The following MDGA2 variants were observed in gnomAD, a reference collection of about 807,000 sequenced individuals.
The protein encoded by MDGA2 is MAM domain-containing glycosylphosphatidylinositol anchor protein 2.
In MDGA2, 40 loss-of-function variants were observed where a neutral mutation model predicts 117.8. That is an observed-to-expected ratio of 0.34 (90% CI 0.26 to 0.44). MDGA2 has a LOEUF of 0.44. Among genes scored for constraint, MDGA2 ranks in the 20% least tolerant of loss-of-function variants. MDGA2 has a pLI of 1.00. For synonymous variants in MDGA2, 452 were observed against 439.0 expected, an observed-to-expected ratio of 1.03 and a Z score of -0.37; for missense variants, 1,123 against 1,250.6, an observed-to-expected ratio of 0.90 and a Z score of 1.54.
At chr14:47,013,774 A>ATG (rs1887981765) in intron 8 of MDGA2, among the ~76,000 whole-genome samples, 6 of 121,064 alleles carry the variant, frequency 5.0e-5, no homozygotes, top group Non-Finnish European at 9.2e-5. Flanking sequence ...ATTTCCTTGT[A>ATG]TATATATATA....
At chr14:47,234,115 A>G (rs1308612727) in intron 2 of MDGA2, among the ~76,000 whole-genome samples, 4 of 152,044 alleles carry the variant, frequency 2.6e-5, no homozygotes, top group Non-Finnish European at 4.4e-5. Context: ...AAGACCGACA[A>G]TCACATAGCA....
chr14:47,629,357 A>C (rs1303622514), intron 1 of MDGA2, among the ~76,000 whole-genome samples: 1 of 152,210 alleles, frequency 6.6e-6, no homozygotes, highest in African/African-American at 2.4e-5. Flanking sequence ...GTTTTTAAAA[A>C]TTTATTAACT....
chr14:47,612,127 A>G (rs1186899854), intron 1 of MDGA2, among the ~76,000 whole-genome samples: 1 of 152,108 alleles, frequency 6.6e-6, no homozygotes, highest in African/African-American at 2.4e-5. Context: ...AAGAAATATG[A>G]TTTCCCTATT....
chr14:47,362,057 C>T (rs1404312355), intron 1 of MDGA2, among the ~76,000 whole-genome samples: 1 of 152,054 alleles, frequency 6.6e-6, no homozygotes, highest in Non-Finnish European at 1.5e-5. Flanking sequence ...CATCTATTTG[C>T]ATATATATCA....
intron 9 of MDGA2, among the ~76,000 whole-genome samples, chr14:46,920,580 A>G (rs974839127): frequency 4.6e-5 from 7 of 152,330 alleles, no homozygotes; most frequent in African/African-American, 1.7e-4. Flanking sequence ...AGGCATGCAG[A>G]TAGAATTTAA....
chr14:47,344,287 A>G (rs919021254), intron 1 of MDGA2, among the ~76,000 whole-genome samples: 1 of 152,164 alleles, frequency 6.6e-6, no homozygotes, highest in Non-Finnish European at 1.5e-5. Flanking sequence ...GTTGTTAAAG[A>G]CTGGCCAGGG....
At chr14:46,951,409 C>T (rs553124729) in intron 9 of MDGA2, among the ~76,000 whole-genome samples, 7 of 151,982 alleles carry the variant, frequency 4.6e-5, no homozygotes, top group African/African-American at 1.2e-4. Context: ...AGGGAAAAAC[C>T]GTGACTTCTT....
intron 11 of MDGA2, among the ~76,000 whole-genome samples, chr14:46,880,812 AAAAAAAAAAAAAAAG>A (rs1374337327): frequency 6.7e-6 from 1 of 149,114 alleles, no homozygotes; most frequent in Non-Finnish European, 1.5e-5. Context: ...CCAAAAAAAA[AAAAAAAAAAAAAAAG>A]AAAGAATAAA....
intron 2 of MDGA2, among the ~76,000 whole-genome samples, chr14:47,267,287 A>C (rs914280363): frequency 6.6e-6 from 1 of 151,752 alleles, no homozygotes; most frequent in Non-Finnish European, 1.5e-5. Flanking sequence ...GTGAAAAAAA[A>C]CAGTCTTTAA....
At chr14:47,466,239 G>A (rs1383886243) in intron 1 of MDGA2, among the ~76,000 whole-genome samples, 1 of 151,822 alleles carries the variant, frequency 6.6e-6, no homozygotes, top group Non-Finnish European at 1.5e-5. Flanking sequence ...TTCCTGGGTG[G>A]CAAAATAATC....
intron 1 of MDGA2, among the ~76,000 whole-genome samples, chr14:47,439,231 T>A (rs914443433): frequency 1.3e-5 from 2 of 152,074 alleles, no homozygotes; most frequent in Non-Finnish European, 2.9e-5. Context: ...TTGAGAGATA[T>A]GGCAATGACT....
chr14:47,025,288 G>C (rs1888431704), intron 8 of MDGA2, among the ~76,000 whole-genome samples: 1 of 152,106 alleles, frequency 6.6e-6, no homozygotes, highest in Non-Finnish European at 1.5e-5. Context: ...TATAATCTTA[G>C]GTGACATTTC....
intron 1 of MDGA2, among the ~76,000 whole-genome samples, chr14:47,663,868 A>G (rs959720255): frequency 2.6e-5 from 4 of 152,092 alleles, no homozygotes; most frequent in Middle Eastern, 3.2e-3. Context: ...CTGTTTTCCA[A>G]TTAGTCTTGA....
intron 2 of MDGA2, among the ~76,000 whole-genome samples, chr14:47,232,473 T>C (rs917076374): frequency 6.6e-6 from 1 of 152,060 alleles, no homozygotes; most frequent in African/African-American, 2.4e-5. Flanking sequence ...CCTAGAGTAA[T>C]CCACTTGTGT....
chr14:47,613,311 T>G (rs1023120264), intron 1 of MDGA2, among the ~76,000 whole-genome samples: 22 of 152,150 alleles, frequency 1.4e-4, no homozygotes, highest in African/African-American at 4.6e-4. Flanking sequence ...TCAAATGAAT[T>G]CTACATCTGA....
intron 1 of MDGA2, among the ~76,000 whole-genome samples, chr14:47,535,658 T>C (rs17118879): frequency 0.013 from 2,034 of 152,262 alleles, 43 homozygotes; most frequent in African/African-American, 0.046. Context: ...TGGTGATGTT[T>C]GATATAAGTA....
intron 3 of MDGA2, among the ~76,000 whole-genome samples, chr14:47,159,997 G>C (rs1207176500): frequency 6.6e-6 from 1 of 152,048 alleles, no homozygotes; most frequent in African/African-American, 2.4e-5. Flanking sequence ...TTTTCCCCTA[G>C]ATTGCAGATG....
rs551465537 is a variant in MDGA2 at position 47,472,637 on chromosome 14, C to T, written c.281-171087G>A. On this transcript the variant is annotated intron_variant, in intron 1 of 16. Transcript: ENST00000399232. ...ATTTAGTATATTAGCCAGCCATGTC[C>T]TAGACATGGTGGCAACAAAGAAAGA... Among the ~76,000 whole-genome samples the T allele has an allele frequency of 2.0e-5, 3 of 152,078 alleles. No homozygotes were observed. The East Asian group carries it at 5.8e-4, about 30-fold the overall frequency.
chr14:47,108,726 CAA>C (rs1379509460), intron 5 of MDGA2, among the ~76,000 whole-genome samples: 1 of 152,058 alleles, frequency 6.6e-6, no homozygotes, highest in African/African-American at 2.4e-5. Context: ...GTTGCTCACA[CAA>C]AGTCTGTTTG....
Sources: gnomAD v4.1 joint callset for allele counts (sites outside exome capture counted in the v4.1 genomes callset) on GRCh38, gnomAD v4.1.1 for gene constraint, MANE v1.5 for transcripts, NCBI Gene and HGNC (gene_info 2026-07-23, HGNC 2026-07-21) for gene names.